TRIP10: variants seen among roughly 807,000 people sequenced by gnomAD.
The protein encoded by TRIP10 is thyroid hormone receptor interactor 10.
TRIP10 carries 54 observed loss-of-function variants against 80.9 expected under a neutral mutation model. That is an observed-to-expected ratio of 0.67 (90% CI 0.54 to 0.84). The LOEUF (loss-of-function observed/expected upper bound fraction) is 0.84. TRIP10 is among the 40% of genes least tolerant of loss of function. The pLI is 0.00. For synonymous variants in TRIP10, 321 were observed against 307.2 expected (o/e 1.04, Z -0.47); for missense variants, 773 against 815.3 (o/e 0.95, Z 0.63).
chr19:6,747,463 A>C (rs1969170036), intron 11 of TRIP10, among the ~76,000 whole-genome samples: 1 of 152,358 alleles, frequency 6.6e-6, no homozygotes, highest in Non-Finnish European at 1.5e-5. Flanking sequence ...ATAAGATAAA[A>C]TTAAGGGCTC....
intron 12 of TRIP10, 77 bp downstream of exon 12, chr19:6,750,143 G>GGGGGGGGGGGGGC: frequency 3.6e-6 from 3 of 842,260 alleles, no homozygotes; most frequent in Non-Finnish European, 5.6e-6. Flanking sequence ...GGGGGTCGGG[G>GGGGGGGGGGGGGC]ACAGGGGAGG....
At position 6,743,059 on chromosome 19, in the gene TRIP10, G is replaced by C; in HGVS notation, c.290G>C (p.Arg97Pro). The change falls in exon 4 of 15, where the codon CGT becomes CCT. Residue 97 changes from arginine (R) to proline (P), a missense_variant. Physicochemically the swap from Arg to Pro is moderately radical, Grantham distance 103. Transcript: ENST00000313244. ...CTGGTGGCTGAGAACCTCAGTGTCC[G>C]TGTATGTCTTGAGCTGACCAAGTAC... ...RELVAENLSVRVCLELTKYSQ... is the reference protein window; with the variant it reads ...RELVAENLSVPVCLELTKYSQ... 6.2e-7 allele frequency: 1 copy of C among 1,614,178 alleles called. No individual in the cohort carries two copies. Among genetic ancestry groups the C allele is most frequent in the Non-Finnish European group, 8.5e-7 (1 of 1,180,032 alleles).
At position 6,745,912 on chromosome 19, in the gene TRIP10, T is replaced by C; in HGVS notation, c.985-117T>C. 7.9e-7 allele frequency: 1 copy of C among 1,262,256 alleles called. No individual in the cohort carries two copies. 78.2% of individuals were successfully genotyped at this position (1,262,256 alleles called of 1,614,324 possible). ...ATTTTGTTTTTCCTTTTTCCTTTTTTTGCGTCCATCCGTCCATCCGTGCGT... is the reference window on the plus strand; with the variant it reads ...ATTTTGTTTTTCCTTTTTCCTTTTTCTGCGTCCATCCGTCCATCCGTGCGT... On this transcript the variant is annotated intron_variant, in intron 9 of 14. Coordinates refer to ENST00000313244, the MANE Select transcript of TRIP10 (RefSeq NM_001288962.2). This position sits in a 1 kb window ranked among gnomAD's most constrained non-coding sequence, Gnocchi z 7.2.
At chr19:6,750,704 G>A (rs981164600) in intron 14 of TRIP10, 71 bp downstream of exon 14, 28 of 1,587,048 alleles carry the variant, frequency 1.8e-5, no homozygotes, top group African/African-American at 2.7e-5. Context: ...GTTTAAATTC[G>A]CCTAAAGCAG....
rs894783679 is a variant in TRIP10 at position 6,744,430 on chromosome 19, T to C, written c.643-124T>C. ...TGGAGTCTCTCTTCCCGACTCTGTC[T>C]TCCCCTCCAGACTGGCTTGGGGCTG... On this transcript the variant is annotated intron_variant, in intron 7 of 14. Coordinates refer to ENST00000313244, the MANE Select transcript of TRIP10 (RefSeq NM_001288962.2). The surrounding 1 kb of genome is among the most constrained non-coding windows in gnomAD (Gnocchi z 4.9). The C allele has an allele frequency of 5.0e-6, 7 of 1,391,334 alleles. No homozygotes were observed. The highest frequency in any genetic ancestry group is 6.9e-6 in the Non-Finnish European group (7 of 1,012,138). 86.2% of individuals were successfully genotyped at this position (1,391,334 alleles called of 1,614,324 possible). A position where few individuals can be genotyped will look rare whatever the true frequency, so the allele number is the denominator to read the frequency against.
At chr19:6,743,473 C>G in intron 5 of TRIP10, 21 bp from the exon 6 acceptor site, 1 of 1,612,426 alleles carries the variant, frequency 6.2e-7, no homozygotes, top group African/African-American at 1.3e-5. Flanking sequence ...CTCCCTCACT[C>G]CGGTTCTGTC....
In TRIP10 at chr19:6,746,890, G is replaced by C. The variant is rs2145547820; in HGVS notation, c.1262+329G>C. Among the ~76,000 whole-genome samples, 1 of 152,324 alleles carries C rather than the reference G, an allele frequency of 6.6e-6. No homozygotes were observed. Among genetic ancestry groups the C allele is most frequent in the African/African-American group, 2.4e-5 (1 of 41,564 alleles). On this transcript the variant is annotated intron_variant, in intron 11 of 14. Transcript: ENST00000313244. This position sits in a 1 kb window ranked among gnomAD's most constrained non-coding sequence, Gnocchi z 6.2. ...ACTCCTGGCCTCAGTTGATCTGCCTGCCTCAGCCTCCCATAGTGCTGGGAT... is the reference window on the plus strand; with the variant it reads ...ACTCCTGGCCTCAGTTGATCTGCCTCCCTCAGCCTCCCATAGTGCTGGGAT...
rs1446127575 is a variant in TRIP10, at chr19:6,751,077, A to G, written c.1672A>G (p.Thr558Ala). The change falls in exon 15 of 15, where the codon ACT becomes GCT. Residue 558 changes from threonine to alanine, a missense_variant. Physicochemically the swap from Thr to Ala is moderately conservative, Grantham distance 58. Transcript: ENST00000313244. ...CCCCATCACAGGGTCCAGCGAGGGC[A>G]CTATCTCTATGGCCGAGGGTGAAGA... ...IYHFEGSSEGTISMAEGEDLS... is the reference protein window; with the variant it reads ...IYHFEGSSEGAISMAEGEDLS... 6.5e-7 allele frequency: 1 copy of G among 1,536,726 alleles called. No homozygotes were observed. The highest frequency in any genetic ancestry group is 1.8e-5 in the Admixed American group (1 of 56,368).
At position 6,741,028 on chromosome 19, in the gene TRIP10, G is replaced by A. The variant is rs762241221; in HGVS notation, c.43G>A (p.Glu15Lys). The change falls in exon 2 of 15, where the codon GAG becomes AAG. Residue 15 changes from glutamate (E) to lysine (K), a missense_variant. Transcript: ENST00000313244. ...TELWDQFEVL[E>K]RHTQWGLDLL... ...ATGTCAGGATCAGTTCGAGGTGCTCGAGCGCCACACGCAGTGGGGGCTGGA... is the reference window on the plus strand; with the variant it reads ...ATGTCAGGATCAGTTCGAGGTGCTCAAGCGCCACACGCAGTGGGGGCTGGA... 6.2e-7 allele frequency: 1 copy of A among 1,613,742 alleles called. No individual in the cohort carries two copies. Among genetic ancestry groups the A allele is most frequent in the Non-Finnish European group, 8.5e-7 (1 of 1,179,828 alleles).
At position 6,746,621 on chromosome 19, in the gene TRIP10, C is replaced by T; in HGVS notation, c.1262+60C>T. The T allele has an allele frequency of 8.4e-7, 1 of 1,197,572 alleles. No homozygotes were observed. The highest frequency in any genetic ancestry group is 1.2e-6 in the Non-Finnish European group (1 of 843,048). 74.2% of individuals were successfully genotyped at this position (1,197,572 alleles called of 1,614,324 possible). On this transcript the variant is annotated intron_variant, in intron 11 of 14. Transcript: ENST00000313244. The surrounding 1 kb of genome is among the most constrained non-coding windows in gnomAD (Gnocchi z 6.2). ...ACATGATAAAATAGTAAATGAACTT[C>T]ACTTATTTGTTTATTATTTTATTTT...
rs1969102706 is a variant in TRIP10, at chr19:6,745,843, T to C, written c.985-186T>C. The C allele has an allele frequency of 2.0e-6, 2 of 985,412 alleles. No homozygotes were observed. The highest frequency in any genetic ancestry group is 2.4e-6 in the Non-Finnish European group (2 of 829,920). The allele number at this position is 985,412 out of a possible 1,614,324, so 61.0% of individuals were successfully genotyped here. On this transcript the variant is annotated intron_variant, in intron 9 of 14. Coordinates refer to ENST00000313244, the MANE Select transcript of TRIP10 (RefSeq NM_001288962.2). The surrounding 1 kb of genome is among the most constrained non-coding windows in gnomAD (Gnocchi z 7.2). ...TGCATGCGTTTTCTCTGTGTGGTTG[T>C]GCATCTTGAGTTGTGGTTTTCTTAC...
At chr19:6,748,311 T>C (rs1232728257) in intron 11 of TRIP10, 1 of 152,154 alleles carries the variant, frequency 6.6e-6, no homozygotes, top group Non-Finnish European at 1.5e-5. Context: ...CAGAATGGCT[T>C]TTATTGGTGT....
In TRIP10 at chr19:6,746,230, G is replaced by GC. The variant is rs1461326260; in HGVS notation, c.1152+37dup. On this transcript the variant is annotated intron_variant, in intron 10 of 14. Coordinates refer to ENST00000313244, the MANE Select transcript of TRIP10 (RefSeq NM_001288962.2). The surrounding 1 kb of genome is among the most constrained non-coding windows in gnomAD (Gnocchi z 6.2). ...GGCCTCGGGGCAGGAGGAGGTGGTG[G>GC]CCCTAGCCTGCCCAGCGGCGGGTGG... The GC allele has an allele frequency of 6.7e-7, 1 of 1,496,346 alleles. No individual in the cohort carries two copies. Among genetic ancestry groups the GC allele is most frequent in the Non-Finnish European group, 9.0e-7 (1 of 1,117,118 alleles). The allele number at this position is 1,496,346 out of a possible 1,614,324, so 92.7% of individuals were successfully genotyped here. A position where few individuals can be genotyped will look rare whatever the true frequency, so the allele number is the denominator to read the frequency against.
Position 6,744,523 on chromosome 19 carries a change from C to T in TRIP10, c.643-31C>T, listed in dbSNP as rs371599936. ...GTGCTTCTAGTCCCTCTGTTAGCAC[C>T]CCTGAGCCACCCTTGTCCCTGTCCT... On this transcript the variant is annotated intron_variant, in intron 7 of 14. Coordinates refer to ENST00000313244, the MANE Select transcript of TRIP10 (RefSeq NM_001288962.2). The surrounding 1 kb of genome is among the most constrained non-coding windows in gnomAD (Gnocchi z 4.9). The T allele has an allele frequency of 6.2e-7, 1 of 1,613,184 alleles. No homozygotes were observed. The highest frequency in any genetic ancestry group is 8.5e-7 in the Non-Finnish European group (1 of 1,180,002).
Position 6,744,769 on chromosome 19 carries a change from C to T in TRIP10, c.790-31C>T, listed in dbSNP as rs368065004. The T allele has an allele frequency of 1.3e-4, 202 of 1,601,416 alleles. No individual in the cohort carries two copies. In the African/African-American group the frequency reaches 2.2e-3, roughly 18 times the overall value. On this transcript the variant is annotated intron_variant, in intron 8 of 14. Transcript: ENST00000313244. This position sits in a 1 kb window ranked among gnomAD's most constrained non-coding sequence, Gnocchi z 4.9. ...GGGAGGTACCCATAGGCTAGGCACTCGACTGCTCATCCACTGTCCCCCTCC... is the reference window on the plus strand; with the variant it reads ...GGGAGGTACCCATAGGCTAGGCACTTGACTGCTCATCCACTGTCCCCCTCC...
rs1969008509 is a variant in TRIP10, at chr19:6,743,777, C to T, written c.583C>T (p.Gln195Ter). ...CAAAAACGAATATGCGGCTCAACTG[C>T]AGCGCTTCAACCGAGACCAAGCCCA... Reference protein sequence around the residue: ...ESKNEYAAQLQRFNRDQAHFY... With the variant: ...ESKNEYAAQL Residue 195 changes from glutamine to a stop codon, truncating the protein, a stop_gained, in exon 7 of 15, where the codon CAG becomes TAG. Transcript: ENST00000313244. LOFTEE classifies it high-confidence loss of function. 3.7e-6 allele frequency: 6 copies of T among 1,614,024 alleles called. No individual in the cohort carries two copies. Among genetic ancestry groups the T allele is most frequent in the Non-Finnish European group, 3.4e-6 (4 of 1,180,036 alleles).
intron 3 of TRIP10, among the ~76,000 whole-genome samples, chr19:6,741,658 T>A (rs1203376888): frequency 6.6e-6 from 1 of 151,802 alleles, no homozygotes; most frequent in Non-Finnish European, 1.5e-5. Context: ...ACGAGCTGAG[T>A]GAATGTGTTT....
chr19:6,743,362 C>T, intron 5 of TRIP10, 106 bp downstream of exon 5: 1 of 1,530,852 alleles, frequency 6.5e-7, no homozygotes, highest in African/African-American at 1.4e-5. Flanking sequence ...ACCTTCCCTC[C>T]CCCATAGGCT....
Position 6,751,114 on chromosome 19 carries a change from T to C in TRIP10, c.1709T>C (p.Met570Thr), listed in dbSNP as rs780056390. Reference sequence around the variant, plus strand: ...GCCGAGGGTGAAGACCTCAGTCTTATGGAAGAAGACAAAGGGGACGGCTGG... The same window carrying C: ...GCCGAGGGTGAAGACCTCAGTCTTACGGAAGAAGACAAAGGGGACGGCTGG... ...SMAEGEDLSL[M>T]EEDKGDGWTR... Residue 570 changes from methionine (M) to threonine (T), a missense_variant, in exon 15 of 15, where the codon ATG (methionine) becomes ACG (threonine). Met to Thr is a moderately conservative substitution (Grantham distance 81). Coordinates refer to ENST00000313244, the MANE Select transcript of TRIP10 (RefSeq NM_001288962.2). 5.0e-6 allele frequency: 8 copies of C among 1,612,000 alleles called. No individual in the cohort carries two copies. The African/African-American group carries it at 8.0e-5, about 16-fold the overall frequency.
Sources: gnomAD v4.1 joint callset for allele counts (sites outside exome capture counted in the v4.1 genomes callset) on GRCh38, gnomAD v4.1.1 for gene constraint, Gnocchi (gnomAD v3.1) non-coding constraint, MANE v1.5 for transcripts, NCBI Gene and HGNC (gene_info 2026-07-23, HGNC 2026-07-21) for gene names.